Variants in ZNF726 observed in about 807,000 individuals in gnomAD.
ZNF726 encodes zinc finger protein 726, also known as zinc finger protein 92 pseudogene 3.
Under a neutral mutation model 11.6 loss-of-function variants are expected in ZNF726, and 15 were observed. The observed-to-expected ratio is 1.29, with a 90% CI of 0.86 to 1.99. The LOEUF is 1.99. Ranked by LOEUF, ZNF726 falls within the 30% of genes most tolerant of loss-of-function variation. ZNF726 has a pLI of 0.00. For synonymous variants in ZNF726, 295 were observed against 243.6 expected (o/e 1.21, Z -1.96); for missense variants, 890 against 725.6 (o/e 1.23, Z -2.60).
Position 23,919,490 on chromosome 19 carries a change from G to T in ZNF726, c.121G>T (p.Ala41Ser), listed in dbSNP as rs899908184. 1.3e-5 allele frequency: 21 copies of T among 1,598,418 alleles called. No individual in the cohort carries two copies. The highest frequency in any genetic ancestry group is 1.8e-5 in the Non-Finnish European group (21 of 1,173,430). ...GATGTTAGAGAACTACAGAAACCTG[G>T]CCTTCCTGGGTGAGGATAACTTTAA... Reference protein sequence around the residue: ...NVMLENYRNLAFLGIAVSKPD... With the variant: ...NVMLENYRNLSFLGIAVSKPD... Residue 41 changes from alanine to serine, a missense_variant, in exon 2 of 4, where the codon GCC (alanine) becomes TCC (serine). Ala to Ser is a moderately conservative substitution (Grantham distance 99). Transcript: ENST00000594466.
At chr19:23,939,435 CAA>C (rs1968301518), downstream of ZNF726, among the ~76,000 whole-genome samples, 1 of 152,078 alleles carries the variant, frequency 6.6e-6, no homozygotes, top group South Asian at 2.1e-4. Flanking sequence ...TATGGATGTT[CAA>C]GTTTCTTTTT....
At chr19:23,937,117 G>A (rs1968249452), downstream of ZNF726, among the ~76,000 whole-genome samples, 1 of 150,768 alleles carries the variant, frequency 6.6e-6, no homozygotes, top group African/African-American at 2.4e-5. Context: ...CCCGGCCGGG[G>A]CGGCTGGCCG....
At position 23,932,960 on chromosome 19, in the gene ZNF726, G is replaced by A. The variant is rs1968144500; in HGVS notation, c.844G>A (p.Glu282Lys). Residue 282 changes from glutamate to lysine, a missense_variant, in exon 4 of 4, where the codon GAG (glutamate) becomes AAG (lysine). Glu to Lys is a moderately conservative substitution (Grantham distance 56). Transcript: ENST00000594466. Reference protein sequence around the residue: ...LTIHKRIHTGEKPCKCEECGK... With the variant: ...LTIHKRIHTGKKPCKCEECGK... The stretch of plus-strand genomic sequence containing the variant: ...CATACATAAGAGGATACATACTGGA[G>A]AGAAACCCTGCAAATGTGAAGAATG... The A allele has an allele frequency of 6.2e-7, 1 of 1,612,114 alleles. No individual in the cohort carries two copies. Among genetic ancestry groups the A allele is most frequent in the Non-Finnish European group, 8.5e-7 (1 of 1,179,734 alleles).
chr19:23,924,815 C>T (rs2144972982), intron 3 of ZNF726, among the ~76,000 whole-genome samples: 1 of 151,994 alleles, frequency 6.6e-6, no homozygotes, highest in South Asian at 2.1e-4. Flanking sequence ...TTACTTGACG[C>T]TGGGAGTGTG....
intron 3 of ZNF726, among the ~76,000 whole-genome samples, chr19:23,922,696 C>T (rs1459198881): frequency 6.6e-6 from 1 of 152,182 alleles, no homozygotes; most frequent in Non-Finnish European, 1.5e-5. Context: ...CAACTCCTTT[C>T]CTGGATCTCA....
In ZNF726 at chr19:23,933,236, T is replaced by C. The variant is rs762454694; in HGVS notation, c.1120T>C (p.Cys374Arg). Residue 374 changes from cysteine (C) to arginine (R), a missense_variant, in exon 4 of 4, where the codon TGT becomes CGT. Coordinates refer to ENST00000594466, the MANE Select transcript of ZNF726 (RefSeq NM_001244038.2). ...TGEKPYKCEECGKAFIWPSTL... is the reference protein window; with the variant it reads ...TGEKPYKCEERGKAFIWPSTL... ...AGAGAAACCCTACAAATGTGAAGAA[T>C]GTGGCAAAGCATTTATATGGCCCTC... is the stretch of plus-strand genomic sequence containing the variant. The C allele has an allele frequency of 1.9e-6, 3 of 1,613,286 alleles. No homozygotes were observed. The highest frequency in any genetic ancestry group is 2.5e-6 in the Non-Finnish European group (3 of 1,179,992).
intron 1 of ZNF726, among the ~76,000 whole-genome samples, chr19:23,917,847 T>C (rs1008624718): frequency 7.0e-6 from 1 of 142,080 alleles, no homozygotes; most frequent in Non-Finnish European, 1.6e-5. Flanking sequence ...AAAATGAAAT[T>C]AATAACTAAC....
At chr19:23,923,992 C>T (rs1280256838) in intron 3 of ZNF726, 2 of 151,222 alleles carry the variant, frequency 1.3e-5, no homozygotes, top group Non-Finnish European at 2.9e-5. Flanking sequence ...GTGTTTATAT[C>T]TATAAATATG....
At chr19:23,924,278 T>C (rs1210141769) in intron 3 of ZNF726, among the ~76,000 whole-genome samples, 4 of 151,768 alleles carry the variant, frequency 2.6e-5, no homozygotes, top group Admixed American at 6.6e-5. Flanking sequence ...GGTCTCAAAC[T>C]CCTGACCTCA....
Position 23,932,369 on chromosome 19 carries a change from AT to A in ZNF726, c.256del (p.Trp86GlyfsTer13). The part of the protein sequence containing the change: ...PGICPHFAQD[I>X]WPEQGVEDSF... ...TATATGTCCTCATTTTGCTCAAGAC[AT>A]TTGGCCAGAGCAGGGCGTGGAAGAT... On this transcript the variant is annotated frameshift_variant, in exon 4 of 4. Coordinates refer to ENST00000594466, the MANE Select transcript of ZNF726 (RefSeq NM_001244038.2). LOFTEE classifies it low-confidence loss of function (END_TRUNC). The A allele has an allele frequency of 9.7e-6, 14 of 1,449,932 alleles. No homozygotes were observed. Among genetic ancestry groups the A allele is most frequent in the Non-Finnish European group, 1.3e-5 (14 of 1,102,484 alleles). The allele number at this position is 1,449,932 out of a possible 1,614,324, so 89.8% of individuals were successfully genotyped here.
intron 3 of ZNF726, among the ~76,000 whole-genome samples, chr19:23,930,250 T>G (rs1968076509): frequency 6.6e-6 from 1 of 152,206 alleles, no homozygotes; most frequent in African/African-American, 2.4e-5. Flanking sequence ...CATCAAAATT[T>G]GGGAATTTTT....
At chr19:23,931,602 T>TA (rs1328724087) in intron 3 of ZNF726, among the ~76,000 whole-genome samples, 1 of 152,240 alleles carries the variant, frequency 6.6e-6, no homozygotes, top group East Asian at 1.9e-4. Context: ...TAGAAAAATC[T>TA]ACCTGTCAAA....
chr19:23,932,306 A>G, intron 3 of ZNF726, 37 bp from the exon 4 acceptor site: 5 of 1,270,214 alleles, frequency 3.9e-6, no homozygotes, highest in Non-Finnish European at 5.0e-6. Flanking sequence ...TTATGTCAGT[A>G]TAGTAAGTGG....
chr19:23,943,123 C>G (rs556134741), intron 3 of ZNF726, among the ~76,000 whole-genome samples: 1 of 152,112 alleles, frequency 6.6e-6, no homozygotes, highest in Non-Finnish European at 1.5e-5. Flanking sequence ...CAGGTTCAAG[C>G]GATTCTCCTG....
In ZNF726 at chr19:23,934,083, C is replaced by G. The variant is rs1568381273; in HGVS notation, c.*116C>G. 2 of 1,307,628 alleles carry G rather than the reference C, an allele frequency of 1.5e-6. No individual in the cohort carries two copies. The highest frequency in any genetic ancestry group is 3.6e-5 in the Admixed American group (2 of 55,736). 81.0% of individuals were successfully genotyped at this position (1,307,628 alleles called of 1,614,324 possible). ...TACAAATGTGAAGAATGTGAAAAAG[C>G]TTTTAATCCTCAAATCTTACTAAAC... On this transcript the variant is annotated 3_prime_UTR_variant, in exon 4 of 4. Transcript: ENST00000594466.
Position 23,933,194 on chromosome 19 carries a change from A to G in ZNF726, c.1078A>G (p.Arg360Gly). The G allele has an allele frequency of 6.2e-7, 1 of 1,602,084 alleles. No individual in the cohort carries two copies. The highest frequency in any genetic ancestry group is 1.1e-5 in the South Asian group (1 of 88,960). The change falls in exon 4 of 4, where the codon AGG becomes GGG. Residue 360 changes from arginine (R) to glycine (G), a missense_variant. Transcript: ENST00000594466. ...FSQFGHLTTHRIIHTGEKPYK... is the reference protein window; with the variant it reads ...FSQFGHLTTHGIIHTGEKPYK... Reference sequence around the variant, plus strand: ...CCAATTCGGACACCTTACTACACATAGGATAATTCATACTGGAGAGAAACC... The same window carrying G: ...CCAATTCGGACACCTTACTACACATGGGATAATTCATACTGGAGAGAAACC...
Position 23,932,541 on chromosome 19 carries a change from G to A in ZNF726, c.425G>A (p.Gly142Asp), listed in dbSNP as rs1324695652. 6.3e-7 allele frequency: 1 copy of A among 1,590,232 alleles called. No individual in the cohort carries two copies. The highest frequency in any genetic ancestry group is 1.2e-5 in the South Asian group (1 of 84,976). Residue 142 changes from glycine (G) to aspartate (D), a missense_variant, in exon 4 of 4, where the codon GGC (glycine) becomes GAC (aspartate). Gly to Asp is a moderately conservative substitution (Grantham distance 94). Coordinates refer to ENST00000594466, the MANE Select transcript of ZNF726 (RefSeq NM_001244038.2). The part of the protein sequence containing the change: ...GLNQCFTTTQ[G>D]KASQCGKYLK... The stretch of plus-strand genomic sequence containing the variant: ...AACCAGTGTTTCACAACTACCCAGG[G>A]CAAAGCTTCTCAATGTGGTAAATAT...
Position 23,933,037 on chromosome 19 carries a change from C to T in ZNF726, c.921C>T (p.His307=), listed in dbSNP as rs1485640333. The T allele has an allele frequency of 1.7e-5, 27 of 1,612,612 alleles. No individual in the cohort carries two copies. The highest frequency in any genetic ancestry group is 2.2e-5 in the Non-Finnish European group (26 of 1,179,762). ...PSALTIHKRM[H]IGEKPYKCEE... is the part of the protein sequence containing the mutation. ...CACTAACCATACATAAGAGGATGCA[C>T]ATTGGAGAGAAACCCTACAAATGTG... The change falls in exon 4 of 4, where the codon CAC becomes CAT. Residue 307 remains histidine (H), a synonymous_variant. Transcript: ENST00000594466.
chr19:23,916,987 G>A (rs1437693651), intron 1 of ZNF726, among the ~76,000 whole-genome samples: 2 of 152,152 alleles, frequency 1.3e-5, no homozygotes, highest in African/African-American at 2.4e-5. Flanking sequence ...GTTTCCCTCT[G>A]TCACCCAGGC....
Sources: allele counts gnomAD v4.1 joint callset (sites outside exome capture counted in the v4.1 genomes callset), GRCh38; gene constraint gnomAD v4.1.1; transcripts MANE v1.5; gene names NCBI Gene and HGNC (gene_info 2026-07-23, HGNC 2026-07-21).